ROBO2: variants seen among roughly 807,000 people sequenced by gnomAD.
ROBO2 encodes the protein roundabout guidance receptor 2.
A neutral mutation model predicts 160.8 loss-of-function variants in ROBO2; 53 were observed. The ratio of observed to expected loss-of-function variants is 0.33; its 90% CI spans 0.26 to 0.41. The LOEUF (loss-of-function observed/expected upper bound fraction) is 0.41, where lower values mean the gene tolerates loss of function less well. Ranked by LOEUF, ROBO2 falls within the 10% of genes least tolerant of loss-of-function variation. The pLI is 1.00. For synonymous variants in ROBO2, 664 were observed against 611.7 expected, an observed-to-expected ratio of 1.09 and a Z score of -1.26; for missense variants, 1,577 against 1,722.4, an observed-to-expected ratio of 0.92 and a Z score of 1.49.
At chr3:77,390,194 A>C (rs1438193961) in intron 2 of ROBO2, among the ~76,000 whole-genome samples, 1 of 152,142 alleles carries the variant, frequency 6.6e-6, no homozygotes, top group East Asian at 1.9e-4. Context: ...TGCAACCCAG[A>C]TTCCTATTTT....
chr3:76,229,595 A>G (rs568339884), intron 2 of ROBO2, among the ~76,000 whole-genome samples: 29 of 152,316 alleles, frequency 1.9e-4, no homozygotes, highest in African/African-American at 6.7e-4. Context: ...CATGATATGC[A>G]TATAATGATG....
At chr3:76,481,083 A>G (rs2079182010) in intron 2 of ROBO2, among the ~76,000 whole-genome samples, 1 of 152,134 alleles carries the variant, frequency 6.6e-6, no homozygotes, top group Non-Finnish European at 1.5e-5. Flanking sequence ...CAGTGATAGG[A>G]GATATGAGCA....
intron 2 of ROBO2, among the ~76,000 whole-genome samples, chr3:76,657,854 T>C (rs2091638100): frequency 6.7e-6 from 1 of 148,234 alleles, no homozygotes; most frequent in African/African-American, 2.5e-5. Flanking sequence ...TGTATGTGTA[T>C]ATATGAACAT....
intron 21 of ROBO2, among the ~76,000 whole-genome samples, chr3:77,614,794 C>T (rs911838933): frequency 1.3e-5 from 2 of 152,146 alleles, no homozygotes; most frequent in Non-Finnish European, 2.9e-5. Flanking sequence ...GTAACTATCT[C>T]TCACCCACAG....
intron 2 of ROBO2, among the ~76,000 whole-genome samples, chr3:77,240,685 T>C (rs1474208400): frequency 6.6e-6 from 1 of 152,234 alleles, no homozygotes; most frequent in East Asian, 1.9e-4. Context: ...AATCCAGTGA[T>C]GTGGAACCCA....
chr3:76,959,043 G>A (rs963667688), intron 2 of ROBO2, among the ~76,000 whole-genome samples: 1 of 152,092 alleles, frequency 6.6e-6, no homozygotes, highest in Non-Finnish European at 1.5e-5. Flanking sequence ...TTAACTGTTA[G>A]AACACAACAT....
chr3:77,173,437 G>GGT (rs2079831201), intron 2 of ROBO2, among the ~76,000 whole-genome samples: 1 of 151,796 alleles, frequency 6.6e-6, no homozygotes, highest in South Asian at 2.1e-4. Context: ...TTGTTATGTT[G>GGT]GTGTTCTTTG....
chr3:76,272,880 A>G lies in ROBO2; in HGVS notation c.109+335278A>G, dbSNP rs796694082. 2.4e-3 allele frequency among the ~76,000 whole-genome samples: 44 copies of G among 18,626 alleles called. 1 individual carries two copies. Among genetic ancestry groups the G allele is most frequent in the Non-Finnish European group, 4.2e-3 (33 of 7,944 alleles). 12.2% of individuals were successfully genotyped at this position (18,626 alleles called of 152,430 possible). A position where few individuals can be genotyped will look rare whatever the true frequency, so the allele number is the denominator to read the frequency against. On this transcript the variant is annotated intron_variant, in intron 2 of 26. Transcript: ENST00000487694. ...AAAATATATAAAATATATAATATAT[A>G]TTTATATATAAAAATATAATATATA... is the stretch of plus-strand genomic sequence containing the variant.
rs1051935429 is a variant in ROBO2, at chr3:77,208,060, C to T, written c.388+109720C>T. 2.6e-5 allele frequency among the ~76,000 whole-genome samples: 4 copies of T among 152,058 alleles called. No homozygotes were observed. The South Asian group carries it at 6.2e-4, about 24-fold the overall frequency. The stretch of plus-strand genomic sequence containing the variant: ...GCTCTCCTGTAAAGAGTAAGATGTG[C>T]GCATTAGAACTAGCTGATGCCGAGT... On this transcript the variant is annotated intron_variant, in intron 2 of 25. Transcript: ENST00000461745.
At chr3:76,597,027 T>C (rs1485142841) in intron 2 of ROBO2, among the ~76,000 whole-genome samples, 1 of 152,182 alleles carries the variant, frequency 6.6e-6, no homozygotes, top group Non-Finnish European at 1.5e-5. Context: ...AGCCCGACAA[T>C]TGATGCTGAA....
intron 2 of ROBO2, among the ~76,000 whole-genome samples, chr3:76,222,413 T>A (rs1448005832): frequency 6.6e-6 from 1 of 152,202 alleles, no homozygotes; most frequent in East Asian, 1.9e-4. Context: ...AGTGTACATG[T>A]TGACCTTGTG....
chr3:76,395,210 C>G (rs2108683368), intron 2 of ROBO2, among the ~76,000 whole-genome samples: 1 of 150,846 alleles, frequency 6.6e-6, no homozygotes, highest in East Asian at 1.9e-4. Context: ...ACTGAACAAC[C>G]TGCTCCTGAA....
At chr3:76,292,463 T>C (rs1708851582) in intron 2 of ROBO2, among the ~76,000 whole-genome samples, 1 of 152,216 alleles carries the variant, frequency 6.6e-6, no homozygotes, top group Non-Finnish European at 1.5e-5. Context: ...TGACAACATA[T>C]AAGATGTAAC....
At chr3:77,313,051 G>A (rs756616114) in intron 2 of ROBO2, among the ~76,000 whole-genome samples, 34 of 152,168 alleles carry the variant, frequency 2.2e-4, no homozygotes, top group Non-Finnish European at 2.6e-4. Flanking sequence ...TATTTCTTAT[G>A]TGGAAATGGT....
At chr3:77,527,741 TG>T (rs2091301704) in intron 6 of ROBO2, among the ~76,000 whole-genome samples, 1 of 151,570 alleles carries the variant, frequency 6.6e-6, no homozygotes, top group African/African-American at 2.4e-5. Context: ...TCTCCTTTTT[TG>T]TATGTATAAA....
At chr3:76,473,158 A>G (rs1236381233) in intron 2 of ROBO2, among the ~76,000 whole-genome samples, 1 of 152,162 alleles carries the variant, frequency 6.6e-6, no homozygotes, top group Non-Finnish European at 1.5e-5. Flanking sequence ...TTTACAGTTC[A>G]TTCCAGGCTT....
chr3:76,741,701 G>GT (rs1203223901), intron 2 of ROBO2, among the ~76,000 whole-genome samples: 2 of 93,664 alleles, frequency 2.1e-5, no homozygotes, highest in Non-Finnish European at 2.1e-5. Context: ...ACTTTTTTCT[G>GT]TTTTTTCTCT....
chr3:75,969,827 A>T (rs2107348274), intron 2 of ROBO2, among the ~76,000 whole-genome samples: 1 of 151,136 alleles, frequency 6.6e-6, no homozygotes, highest in East Asian at 2.0e-4. Flanking sequence ...ATTCTCTCCC[A>T]CTCTGCAGGC....
Position 77,098,417 on chromosome 3 carries a change from C to T in ROBO2, c.388+77C>T, listed in dbSNP as rs116873415. The T allele has an allele frequency of 1.5e-3, 2,145 of 1,404,114 alleles. 48 individuals carry two copies. The Admixed American group carries it at 0.027, about 18-fold the overall frequency. The allele number at this position is 1,404,114 out of a possible 1,614,324, so 87.0% of individuals were successfully genotyped here. On this transcript the variant is annotated intron_variant, in intron 2 of 25. Transcript: ENST00000461745. ...GTAAGTTTTGATGTGTTCCCATAGACGCTGAAACCTAAAGAATCAATCAAC... is the reference window on the plus strand; with the variant it reads ...GTAAGTTTTGATGTGTTCCCATAGATGCTGAAACCTAAAGAATCAATCAAC...
Sources: allele counts gnomAD v4.1 joint callset (sites outside exome capture counted in the v4.1 genomes callset), GRCh38; gene constraint gnomAD v4.1.1; transcripts MANE v1.5; gene names NCBI Gene and HGNC (gene_info 2026-07-23, HGNC 2026-07-21).